The following RBMS1 variants were observed in gnomAD, a reference collection of about 807,000 sequenced individuals.
RBMS1 encodes the protein RNA-binding motif, single-stranded-interacting protein 1.
A neutral mutation model predicts 62.3 loss-of-function variants in RBMS1; 17 were observed. The observed-to-expected ratio is 0.27, with a 90% CI of 0.19 to 0.41. The LOEUF is 0.41. Ranked by LOEUF, RBMS1 falls within the 10% of genes least tolerant of loss-of-function variation. RBMS1 has a pLI of 1.00. For synonymous variants in RBMS1, 172 were observed against 170.0 expected, an observed-to-expected ratio of 1.01 and a Z score of -0.09; for missense variants, 334 against 504.5, an observed-to-expected ratio of 0.66 and a Z score of 3.24.
intron 2 of RBMS1, among the ~76,000 whole-genome samples, chr2:160,340,343 G>A (rs534077376): frequency 6.6e-6 from 1 of 152,160 alleles, no homozygotes; most frequent in East Asian, 1.9e-4. Context: ...TCTTCTTATG[G>A]CAGATATGAG....
At chr2:160,282,755 G>A (rs1204579706) in intron 9 of RBMS1, 2 of 153,650 alleles carry the variant, frequency 1.3e-5, no homozygotes, top group African/African-American at 4.8e-5. Flanking sequence ...GGAGCCCTCT[G>A]AAAACCTAAT....
intron 1 of RBMS1, among the ~76,000 whole-genome samples, chr2:160,423,945 G>A: frequency 6.6e-6 from 1 of 151,774 alleles, no homozygotes; most frequent in East Asian, 1.9e-4. Context: ...TCAATGCCTT[G>A]TACACTGTTA....
rs1683935863 is a variant in RBMS1, at chr2:160,450,575, A to AC, written c.75+42713_75+42714insG. Among the ~76,000 whole-genome samples, 5 of 150,156 alleles carry AC rather than the reference A, an allele frequency of 3.3e-5. No homozygotes were observed. The South Asian group carries it at 8.4e-4, about 25-fold the overall frequency. On this transcript the variant is annotated intron_variant, in intron 1 of 13. Coordinates refer to ENST00000348849, the MANE Select transcript of RBMS1 (RefSeq NM_016836.4). ...AAAAAATAAAAAATGAAAAAAAAAAAAAAACAAAAAACATTAACCCAGTTT... is the reference window on the plus strand; with the variant it reads ...AAAAAATAAAAAATGAAAAAAAAAAACAAAACAAAAAACATTAACCCAGTTT...
chr2:160,327,390 T>C (rs543096413), intron 2 of RBMS1, among the ~76,000 whole-genome samples: 1 of 152,310 alleles, frequency 6.6e-6, no homozygotes, highest in East Asian at 1.9e-4. Context: ...AAAATTCATA[T>C]AAAACACTAA....
At chr2:160,366,891 A>G in intron 2 of RBMS1, 1 of 194,692 alleles carries the variant, frequency 5.1e-6, no homozygotes, top group Non-Finnish European at 1.1e-5. Context: ...TCAGAGGTGC[A>G]TCCACAAAAA....
At chr2:160,280,139 A>G (rs1005322426) in intron 10 of RBMS1, among the ~76,000 whole-genome samples, 6 of 152,164 alleles carry the variant, frequency 3.9e-5, no homozygotes, top group African/African-American at 1.4e-4. Context: ...CCTCAAATTC[A>G]AAGCAAGCTG....
chr2:160,366,043 G>A (rs1240861197), intron 2 of RBMS1, among the ~76,000 whole-genome samples: 5 of 152,138 alleles, frequency 3.3e-5, no homozygotes, highest in African/African-American at 1.2e-4. Context: ...ATCAAAAAGG[G>A]GGACATGAGA....
chr2:160,291,686 T>C (rs1000828197), intron 6 of RBMS1, among the ~76,000 whole-genome samples: 2 of 152,200 alleles, frequency 1.3e-5, no homozygotes, highest in Non-Finnish European at 2.9e-5. Flanking sequence ...GAGAGTAACA[T>C]TTGTAATATC....
chr2:160,377,926 T>C (rs1187758269), intron 1 of RBMS1, among the ~76,000 whole-genome samples: 1 of 152,192 alleles, frequency 6.6e-6, no homozygotes, highest in Non-Finnish European at 1.5e-5. Flanking sequence ...CAGTCCTTGT[T>C]TGTTACGAGG....
chr2:160,343,713 T>C (rs900130588), intron 2 of RBMS1, among the ~76,000 whole-genome samples: 2 of 152,202 alleles, frequency 1.3e-5, no homozygotes, highest in African/African-American at 4.8e-5. Context: ...TTTATAGCAC[T>C]TGTTCTGCCA....
At chr2:160,376,669 T>G (rs1694016800) in intron 1 of RBMS1, among the ~76,000 whole-genome samples, 1 of 152,134 alleles carries the variant, frequency 6.6e-6, no homozygotes, top group African/African-American at 2.4e-5. Flanking sequence ...AGAGTCTCGC[T>G]CTGCCTCATG....
rs1224351843 is a variant in RBMS1, at chr2:160,274,445, T to G, written c.*327A>C. 1 of 151,174 alleles carries G rather than the reference T, an allele frequency of 6.6e-6. No homozygotes were observed. Among genetic ancestry groups the G allele is most frequent in the Non-Finnish European group, 1.5e-5 (1 of 67,646 alleles). The allele number at this position is 151,174 out of a possible 1,614,324, so 9.4% of individuals were successfully genotyped here. The stretch of plus-strand genomic sequence containing the variant: ...TGGTCTTTGTGCATACCCAGAAAAT[T>G]GAAGTTTTCTTTTCTTTTTTTTTTT... On this transcript the variant is annotated 3_prime_UTR_variant, in exon 14 of 14. Transcript: ENST00000348849.
At chr2:160,488,216 G>A (rs984877694) in intron 1 of RBMS1, among the ~76,000 whole-genome samples, 8 of 152,072 alleles carry the variant, frequency 5.3e-5, no homozygotes, top group Non-Finnish European at 8.8e-5. Flanking sequence ...GACCTCCATC[G>A]TCCCATTGCT....
At chr2:160,327,481 G>C (rs766228828) in intron 2 of RBMS1, among the ~76,000 whole-genome samples, 3 of 152,086 alleles carry the variant, frequency 2.0e-5, no homozygotes, top group Non-Finnish European at 4.4e-5. Flanking sequence ...CTAAATAAAA[G>C]AGCATATTAT....
At chr2:160,359,353 C>T (rs1692995652) in intron 2 of RBMS1, among the ~76,000 whole-genome samples, 2 of 152,140 alleles carry the variant, frequency 1.3e-5, no homozygotes, top group African/African-American at 4.8e-5. Context: ...ACATGTGAAG[C>T]ATGTGTGTCT....
rs117925304 is a variant in RBMS1 at position 160,466,469 on chromosome 2, T to A, written c.75+26820A>T. On this transcript the variant is annotated intron_variant, in intron 1 of 13. Coordinates refer to ENST00000348849, the MANE Select transcript of RBMS1 (RefSeq NM_016836.4). Reference sequence around the variant, plus strand: ...AGCAGATGTCAGGCTAATTTTAAGATTTTTAAATTTGAGAATTGGAACAGT... The same window carrying A: ...AGCAGATGTCAGGCTAATTTTAAGAATTTTAAATTTGAGAATTGGAACAGT... Among the ~76,000 whole-genome samples the A allele has an allele frequency of 5.2e-4, 79 of 152,280 alleles. 1 individual carries two copies. The East Asian group carries it at 0.013, about 25-fold the overall frequency.
At chr2:160,341,823 TG>T (rs1559410824) in intron 2 of RBMS1, among the ~76,000 whole-genome samples, 1 of 152,198 alleles carries the variant, frequency 6.6e-6, no homozygotes, top group Non-Finnish European at 1.5e-5. Context: ...AATAAATATT[TG>T]TGTTGATAAA....
In RBMS1 at chr2:160,493,635, G is replaced by C. The variant is rs1274366492; in HGVS notation, c.-272C>G. 7.6e-6 allele frequency: 4 copies of C among 524,800 alleles called. No individual in the cohort carries two copies. The highest frequency in any genetic ancestry group is 3.2e-5 in the Admixed American group (1 of 30,924). 32.5% of individuals were successfully genotyped at this position (524,800 alleles called of 1,614,324 possible). On this transcript the variant is annotated 5_prime_UTR_variant, in exon 1 of 14. Transcript: ENST00000348849. ...CACTGCAGAGCGCAGAGGGCACCCC[G>C]GACAGGGCGCTCCCAAGGAGTTTCC...
rs1689859141 is a variant in RBMS1 at position 160,311,228 on chromosome 2, CTATCTAT to C, written c.402+1921_402+1927del. On this transcript the variant is annotated intron_variant, in intron 4 of 13. Coordinates refer to ENST00000348849, the MANE Select transcript of RBMS1 (RefSeq NM_016836.4). Reference sequence around the variant, plus strand: ...AAAAAAAATCTATCTATCTATCTATCTATCTATATATATATATATATATATATATAGT... The same window carrying C: ...AAAAAAAATCTATCTATCTATCTATCATATATATATATATATATATATAGT... Among the ~76,000 whole-genome samples the C allele has an allele frequency of 2.9e-4, 28 of 95,924 alleles. 2 individuals carry two copies. The highest frequency in any genetic ancestry group is 4.2e-4 in the Admixed American group (3 of 7,110). 62.9% of individuals were successfully genotyped at this position (95,924 alleles called of 152,430 possible).
Sources: allele counts gnomAD v4.1 joint callset (sites outside exome capture counted in the v4.1 genomes callset), GRCh38; gene constraint gnomAD v4.1.1; transcripts MANE v1.5; gene names NCBI Gene and HGNC (gene_info 2026-07-23, HGNC 2026-07-21).